The following CRLF1 variants were observed in gnomAD, a reference collection of about 807,000 sequenced individuals.
The protein encoded by CRLF1 is cytokine receptor-like factor 1.
CRLF1 carries 36 observed loss-of-function variants against 48.9 expected under a neutral mutation model. That is an observed-to-expected ratio of 0.74 (90% CI 0.56 to 0.97). CRLF1 has a LOEUF of 0.97. Among genes scored for constraint, CRLF1 ranks in the 50% least tolerant of loss-of-function variants. The pLI, the probability that CRLF1 is intolerant of heterozygous loss-of-function variation, is 0.00. For missense variants in CRLF1, 534 were observed against 575.1 expected (o/e 0.93, Z 0.73); for synonymous variants, 256 against 253.4 (o/e 1.01, Z -0.10).
chr19:18,594,451 C>G lies in CRLF1; in HGVS notation c.1025-17G>C. ...CCGGGCGCTCTGGTGGTGGGCGGAG[C>G]GGCAGTGTCAGAGCGCGCCCGGCAG... On this transcript the variant is annotated splice_polypyrimidine_tract_variant and intron_variant, in intron 6 of 8. Coordinates refer to ENST00000392386, the MANE Select transcript of CRLF1 (RefSeq NM_004750.5). The G allele has an allele frequency of 7.2e-7, 1 of 1,379,728 alleles. No individual in the cohort carries two copies. The allele number at this position is 1,379,728 out of a possible 1,614,324, so 85.5% of individuals were successfully genotyped here. A position where few individuals can be genotyped will look rare whatever the true frequency, so the allele number is the denominator to read the frequency against.
rs756103761 is a variant in CRLF1, at chr19:18,598,863, T to C, written c.436A>G (p.Lys146Glu). Residue 146 changes from lysine to glutamate, a missense_variant, in exon 3 of 9, where the codon AAG becomes GAG. By Grantham distance (56) the Lys-to-Glu change is moderately conservative. Coordinates refer to ENST00000392386, the MANE Select transcript of CRLF1 (RefSeq NM_004750.5). ...CGGCAGGTCAAGTCCTTCATGTTCT[T>C]GGACCAGCAGCTGATGTTGACGGGT... ...EKPVNISCWS[K>E]NMKDLTCRWT... The C allele has an allele frequency of 1.2e-5, 19 of 1,613,886 alleles. No homozygotes were observed. Among genetic ancestry groups the C allele is most frequent in the Non-Finnish European group, 1.4e-5 (16 of 1,179,976 alleles).
intron 6 of CRLF1, among the ~76,000 whole-genome samples, chr19:18,595,666 A>G (rs893231346): frequency 2.6e-5 from 4 of 152,212 alleles, no homozygotes; most frequent in Non-Finnish European, 1.5e-5. Context: ...TCCAACCCTC[A>G]TAACAGCCCA....
Position 18,606,763 on chromosome 19 carries a change from C to G in CRLF1, c.-107G>C, listed in dbSNP as rs1352873862. ...GAGGGCGCGGGCCAGGCCGCCCGCA[C>G]GTCGCTGGGCGCGGACGCGGAGGCC... On this transcript the variant is annotated 5_prime_UTR_variant, in exon 1 of 9. Transcript: ENST00000392386. The surrounding 1 kb of genome is among the most constrained non-coding windows in gnomAD (Gnocchi z 4.8). 1.4e-5 allele frequency: 2 copies of G among 146,874 alleles called. No individual in the cohort carries two copies. The highest frequency in any genetic ancestry group is 4.1e-4 in the South Asian group (2 of 4,906). The allele number at this position is 146,874 out of a possible 1,614,324, so 9.1% of individuals were successfully genotyped here.
Position 18,597,056 on chromosome 19 carries a change from G to A in CRLF1, c.698-7C>T. ...GGCGGGGGGTCCGTGGTCACTGCGGGGCAGAGGAGGGACCCTCTCAGCCTG... is the reference window on the plus strand; with the variant it reads ...GGCGGGGGGTCCGTGGTCACTGCGGAGCAGAGGAGGGACCCTCTCAGCCTG... On this transcript the variant is annotated splice_polypyrimidine_tract_variant and splice_region_variant and intron_variant, in intron 4 of 8. Transcript: ENST00000392386. 1 of 1,611,356 alleles carries A rather than the reference G, an allele frequency of 6.2e-7. No homozygotes were observed. Among genetic ancestry groups the A allele is most frequent in the Non-Finnish European group, 8.5e-7 (1 of 1,178,752 alleles).
intron 8 of CRLF1, 35 bp downstream of exon 8, chr19:18,594,030 G>GGGGGGGGGCCCCCCCCCC: frequency 7.6e-7 from 1 of 1,315,314 alleles, no homozygotes; most frequent in Non-Finnish European, 1.1e-6. Context: ...CCCTCCCCTT[G>GGGGGGGGGCCCCCCCCCC]CTCCCTCCCG....
intron 6 of CRLF1, 35 bp downstream of exon 6, chr19:18,596,587 G>A (rs755157766): frequency 4.4e-6 from 7 of 1,608,438 alleles, no homozygotes. Context: ...TTTCGGACTG[G>A]CCGCTGGATC....
At chr19:18,600,458 T>C (rs1177050270) in intron 1 of CRLF1, among the ~76,000 whole-genome samples, 2 of 151,726 alleles carry the variant, frequency 1.3e-5, no homozygotes, top group African/African-American at 4.8e-5. Flanking sequence ...AAGCTCCGCC[T>C]CCCGGGATCA....
rs1486210362 is a variant in CRLF1, at chr19:18,593,300, A to G, written c.*266T>C. 3.8e-6 allele frequency: 2 copies of G among 530,958 alleles called. No homozygotes were observed. Among genetic ancestry groups the G allele is most frequent in the Non-Finnish European group, 6.8e-6 (2 of 294,010 alleles). The allele number at this position is 530,958 out of a possible 1,614,324, so 32.9% of individuals were successfully genotyped here. A position where few individuals can be genotyped will look rare whatever the true frequency, so the allele number is the denominator to read the frequency against. On this transcript the variant is annotated 3_prime_UTR_variant, in exon 9 of 9. Transcript: ENST00000392386. ...GAGGGGCCCTAGGTAATGGGGAGTAATGACTCCCCTTCTCACCCCCAGCCC... is the reference window on the plus strand; with the variant it reads ...GAGGGGCCCTAGGTAATGGGGAGTAGTGACTCCCCTTCTCACCCCCAGCCC...
At chr19:18,599,101 C>A in intron 2 of CRLF1, 200 bp from the exon 3 acceptor site, 1 of 985,300 alleles carries the variant, frequency 1.0e-6, no homozygotes, top group Non-Finnish European at 1.2e-6. Flanking sequence ...GTGACTCGAT[C>A]TCCGGGTTCT....
In CRLF1 at chr19:18,596,803, G is replaced by A; in HGVS notation, c.856-13C>T. The A allele has an allele frequency of 6.2e-7, 1 of 1,613,624 alleles. No individual in the cohort carries two copies. Among genetic ancestry groups the A allele is most frequent in the Non-Finnish European group, 8.5e-7 (1 of 1,179,824 alleles). ...CATCGTCCACCACCTGGACAGTGAGGACAAGGTCAGAGTAGAGGGCGGGGC... is the reference window on the plus strand; with the variant it reads ...CATCGTCCACCACCTGGACAGTGAGAACAAGGTCAGAGTAGAGGGCGGGGC... On this transcript the variant is annotated splice_polypyrimidine_tract_variant and intron_variant, in intron 5 of 8. Coordinates refer to ENST00000392386, the MANE Select transcript of CRLF1 (RefSeq NM_004750.5).
intron 2 of CRLF1, chr19:18,599,207 G>C (rs1395421247): frequency 1.4e-6 from 1 of 705,200 alleles, no homozygotes; most frequent in African/African-American, 1.9e-5. Context: ...CTGGGTTCAA[G>C]CAATTCTCCT....
intron 1 of CRLF1, among the ~76,000 whole-genome samples, chr19:18,602,683 TGA>T (rs1358487284): frequency 1.3e-5 from 2 of 151,894 alleles, no homozygotes; most frequent in Admixed American, 6.6e-5. Flanking sequence ...TGAGGTTGTT[TGA>T]GAGGAGTGAA....
Position 18,603,965 on chromosome 19 carries a change from C to T in CRLF1, c.115+2577G>A, listed in dbSNP as rs1976254419. Among the ~76,000 whole-genome samples the T allele has an allele frequency of 2.0e-5, 3 of 152,172 alleles. No individual in the cohort carries two copies. The South Asian group carries it at 6.2e-4, about 31-fold the overall frequency. On this transcript the variant is annotated intron_variant, in intron 1 of 8. Coordinates refer to ENST00000392386, the MANE Select transcript of CRLF1 (RefSeq NM_004750.5). Reference sequence around the variant, plus strand: ...GCCAGCCGCCCGCTAATTCGGAATTCCTTTTGCATGAACTCGGGTGTGCCA... The same window carrying T: ...GCCAGCCGCCCGCTAATTCGGAATTTCTTTTGCATGAACTCGGGTGTGCCA...
intron 1 of CRLF1, among the ~76,000 whole-genome samples, chr19:18,603,480 A>T (rs1266428702): frequency 6.6e-6 from 1 of 152,216 alleles, no homozygotes; most frequent in African/African-American, 2.4e-5. Context: ...CCTGACCTGC[A>T]GGGAGGAGGG....
chr19:18,594,030 G>GGGTGGGGGGGCC, intron 8 of CRLF1, 35 bp downstream of exon 8: 1 of 1,315,314 alleles, frequency 7.6e-7, no homozygotes, highest in Non-Finnish European at 1.1e-6. Context: ...CCCTCCCCTT[G>GGGTGGGGGGGCC]CTCCCTCCCG....
chr19:18,596,730 C>G lies in CRLF1; in HGVS notation c.916G>C (p.Val306Leu), dbSNP rs778815231. 6.2e-7 allele frequency: 1 copy of G among 1,614,104 alleles called. No individual in the cohort carries two copies. The highest frequency in any genetic ancestry group is 2.2e-5 in the East Asian group (1 of 44,886). Residue 306 changes from valine (V) to leucine (L), a missense_variant, in exon 6 of 9, where the codon GTG (valine) becomes CTG (leucine). Transcript: ENST00000392386. Reference protein sequence around the residue: ...CRLAGLKPGTVYFVQVRCNPF... With the variant: ...CRLAGLKPGTLYFVQVRCNPF... ...TTGCAGCGCACTTGCACGAAGTACA[C>G]GGTGCCGGGTTTCAGGCCGGCCAGG... is the stretch of plus-strand genomic sequence containing the variant.
At chr19:18,593,618 A>G in intron 8 of CRLF1, 39 bp from the exon 9 acceptor site, 1 of 1,586,688 alleles carries the variant, frequency 6.3e-7, no homozygotes, top group Non-Finnish European at 8.6e-7. Context: ...CAGGGAGTCC[A>G]GGAGAGGGCC....
rs758698603 is a variant in CRLF1, at chr19:18,596,674, G to T, written c.972C>A (p.Ala324=). ...NPFGIYGSKK[A]GIWSEWSHPT... ...GGTGGCTCCACTCACTCCAGATCCC[G>T]GCTTTCTTGGAGCCATAGATGCCAA... The change falls in exon 6 of 9, where the codon GCC becomes GCA. Residue 324 remains alanine, a synonymous_variant. Transcript: ENST00000392386. 6.2e-7 allele frequency: 1 copy of T among 1,613,940 alleles called. No homozygotes were observed. Among genetic ancestry groups the T allele is most frequent in the Non-Finnish European group, 8.5e-7 (1 of 1,180,032 alleles).
chr19:18,601,645 C>T (rs1976222742), intron 1 of CRLF1, among the ~76,000 whole-genome samples: 1 of 152,040 alleles, frequency 6.6e-6, no homozygotes, highest in Non-Finnish European at 1.5e-5. Context: ...ATCAAGTGAT[C>T]CACTCGCCTC....
Sources: allele counts gnomAD v4.1 joint callset (sites outside exome capture counted in the v4.1 genomes callset), GRCh38; gene constraint gnomAD v4.1.1; non-coding constraint Gnocchi (gnomAD v3.1); transcripts MANE v1.5; gene names NCBI Gene and HGNC (gene_info 2026-07-23, HGNC 2026-07-21).